LARGE1: variants seen among roughly 807,000 people sequenced by gnomAD.
LARGE1 encodes the protein xylosyl- and glucuronyltransferase LARGE1.
In LARGE1, 43 loss-of-function variants were observed where a neutral mutation model predicts 87.6. The ratio of observed to expected loss-of-function variants is 0.49; its 90% confidence interval spans 0.38 to 0.63. LARGE1 has a LOEUF of 0.63. Ranked by LOEUF, LARGE1 falls within the 30% of genes least tolerant of loss-of-function variation. The pLI, the probability that LARGE1 is intolerant of heterozygous loss-of-function variation, is 0.00. For missense variants in LARGE1, 802 were observed against 1,000.2 expected (o/e 0.80, Z 2.67); for synonymous variants, 434 against 394.6 (o/e 1.10, Z -1.18).
At chr22:33,742,458 T>A (rs577119479) in intron 2 of LARGE1, among the ~76,000 whole-genome samples, 6 of 152,336 alleles carry the variant, frequency 3.9e-5, no homozygotes, top group African/African-American at 1.2e-4. Flanking sequence ...AACTGTCATG[T>A]AGTATGAGTT....
chr22:33,913,255 ACT>A (rs1400837871), intron 1 of LARGE1, among the ~76,000 whole-genome samples: 1 of 152,210 alleles, frequency 6.6e-6, no homozygotes, highest in African/African-American at 2.4e-5. Context: ...TACCTAATTT[ACT>A]TTTTAAACCA....
chr22:33,182,625 C>T (rs964662302), intron 11 of LARGE1, among the ~76,000 whole-genome samples: 1 of 152,188 alleles, frequency 6.6e-6, no homozygotes, highest in African/African-American at 2.4e-5. Flanking sequence ...GACTTAATGA[C>T]TAATTGATCA....
chr22:33,659,627 T>C (rs1303666496), intron 2 of LARGE1, among the ~76,000 whole-genome samples: 1 of 151,898 alleles, frequency 6.6e-6, no homozygotes, highest in East Asian at 1.9e-4. Flanking sequence ...ACAGGGAATG[T>C]TTTGCCCCAA....
the LARGE1 span, among the ~76,000 whole-genome samples, chr22:33,130,313 C>CAAAAAAAAAAAAAAAAAAAAA: frequency 9.1e-4 from 52 of 57,000 alleles, no homozygotes; most frequent in Middle Eastern, 0.014. Flanking sequence ...GATTCCGTCT[C>CAAAAAAAAAAAAAAAAAAAAA]AAAAAAAAAA....
At chr22:33,688,708 G>A (rs2149328610) in intron 2 of LARGE1, among the ~76,000 whole-genome samples, 1 of 152,122 alleles carries the variant, frequency 6.6e-6, no homozygotes, top group Middle Eastern at 3.4e-3. Flanking sequence ...TCCTCCCCTG[G>A]CCGTATCATC....
At chr22:33,457,510 A>G (rs1488510203) in intron 6 of LARGE1, among the ~76,000 whole-genome samples, 5 of 151,930 alleles carry the variant, frequency 3.3e-5, no homozygotes, top group Non-Finnish European at 7.4e-5. Context: ...TGAAGTATAA[A>G]GGATAGTCCT....
rs113263082 is a variant in LARGE1 at position 33,664,973 on chromosome 22, C to T, written c.107-14305G>A. ...TTCCCATCAACCACAGTTATCTTTC[C>T]GACCTCAAAATGCTCCTCTGCTCCC... On this transcript the variant is annotated intron_variant, in intron 2 of 14. Transcript: ENST00000397394. Among the ~76,000 whole-genome samples, 850 of 152,244 alleles carry T rather than the reference C, an allele frequency of 5.6e-3. 8 individuals carry two copies. Among genetic ancestry groups the T allele is most frequent in the African/African-American group, 0.019 (809 of 41,540 alleles).
At chr22:33,178,964 G>A (rs746196200) in intron 11 of LARGE1, among the ~76,000 whole-genome samples, 2 of 152,160 alleles carry the variant, frequency 1.3e-5, no homozygotes, top group Non-Finnish European at 2.9e-5. Flanking sequence ...CATGATACCA[G>A]CATCTGGTGA....
At chr22:33,837,989 C>T (rs559438739) in intron 1 of LARGE1, among the ~76,000 whole-genome samples, 2 of 152,180 alleles carry the variant, frequency 1.3e-5, no homozygotes, top group Non-Finnish European at 2.9e-5. Flanking sequence ...TCTGGCAACT[C>T]GCAATCACTG....
At chr22:33,484,795 C>T (rs1282165595) in intron 6 of LARGE1, among the ~76,000 whole-genome samples, 1 of 152,156 alleles carries the variant, frequency 6.6e-6, no homozygotes. Context: ...CATCCTCTGA[C>T]CTCTCTTACC....
chr22:33,696,001 A>T (rs1316244566), intron 2 of LARGE1, among the ~76,000 whole-genome samples: 2 of 152,188 alleles, frequency 1.3e-5, no homozygotes, highest in Non-Finnish European at 1.5e-5. Flanking sequence ...TCTTTGGGTA[A>T]GCTTTCTCTC....
At chr22:33,440,610 A>C (rs754279567) in intron 6 of LARGE1, among the ~76,000 whole-genome samples, 1 of 152,236 alleles carries the variant, frequency 6.6e-6, no homozygotes, top group African/African-American at 2.4e-5. Context: ...TGTGTGTCTG[A>C]GTGCAGGATG....
At chr22:33,635,979 G>A (rs2080255290) in intron 3 of LARGE1, among the ~76,000 whole-genome samples, 1 of 152,158 alleles carries the variant, frequency 6.6e-6, no homozygotes, top group African/African-American at 2.4e-5. Flanking sequence ...GGGTTCCAGG[G>A]CCTGCTGTGA....
chr22:33,797,260 C>T (rs929717261), intron 1 of LARGE1, among the ~76,000 whole-genome samples: 2 of 152,138 alleles, frequency 1.3e-5, no homozygotes, highest in African/African-American at 2.4e-5. Context: ...CTAGCCTGCA[C>T]CTCCTCCCTT....
At chr22:33,709,024 T>C (rs1376351375) in intron 2 of LARGE1, among the ~76,000 whole-genome samples, 1 of 152,198 alleles carries the variant, frequency 6.6e-6, no homozygotes, top group African/African-American at 2.4e-5. Flanking sequence ...ACCAGTCGGA[T>C]AGGACTAGGG....
chr22:33,219,988 A>G (rs1389946835), intron 11 of LARGE1, among the ~76,000 whole-genome samples: 4 of 152,180 alleles, frequency 2.6e-5, no homozygotes, highest in Admixed American at 6.5e-5. Flanking sequence ...GAAAAGAAAA[A>G]TACTTTCTCA....
At chr22:33,844,193 C>T (rs2063363578) in intron 1 of LARGE1, among the ~76,000 whole-genome samples, 1 of 152,076 alleles carries the variant, frequency 6.6e-6, no homozygotes, top group Non-Finnish European at 1.5e-5. Flanking sequence ...CCTCTTGAGA[C>T]CGTCCAAGGT....
At chr22:33,467,751 A>G (rs558870662) in intron 6 of LARGE1, among the ~76,000 whole-genome samples, 78 of 152,310 alleles carry the variant, frequency 5.1e-4, no homozygotes, top group Non-Finnish European at 1.0e-3. Context: ...GTTGCTCTCT[A>G]ATTTTAATGC....
At chr22:33,389,882 CCAACCAACCAAA>C (rs2056249462) in intron 7 of LARGE1, among the ~76,000 whole-genome samples, 2 of 117,584 alleles carry the variant, frequency 1.7e-5, no homozygotes, top group South Asian at 3.0e-4. Flanking sequence ...AACCAACCAA[CCAACCAACCAAA>C]CAAAAAAAAC....
Sources: gnomAD v4.1 joint callset for allele counts (sites outside exome capture counted in the v4.1 genomes callset) on GRCh38, gnomAD v4.1.1 for gene constraint, MANE v1.5 for transcripts, NCBI Gene and HGNC (gene_info 2026-07-23, HGNC 2026-07-21) for gene names.